The following PIP4K2A variants were observed in gnomAD, a reference collection of about 807,000 sequenced individuals.
PIP4K2A encodes the protein phosphatidylinositol-5-phosphate 4-kinase type 2 alpha, also known as phosphatidylinositol 5-phosphate 4-kinase type-2 alpha.
A neutral mutation model predicts 42.9 loss-of-function variants in PIP4K2A; 14 were observed. The observed-to-expected ratio is 0.33, with a 90% CI of 0.22 to 0.51. PIP4K2A has a LOEUF of 0.51. Ranked by LOEUF, PIP4K2A falls within the 20% of genes least tolerant of loss-of-function variation. PIP4K2A has a pLI of 0.97. For missense variants in PIP4K2A, 434 were observed against 519.8 expected (o/e 0.83, Z 1.61); for synonymous variants, 192 against 192.2 (o/e 1.00, Z 0.01).
chr10:22,677,613 G>A (rs1263659396), intron 1 of PIP4K2A, among the ~76,000 whole-genome samples: 3 of 152,170 alleles, frequency 2.0e-5, no homozygotes, highest in Non-Finnish European at 2.9e-5. Flanking sequence ...GGGTTCATGC[G>A]TATTCCCTCT....
chr10:22,544,805 C>G (rs1836220933), intron 7 of PIP4K2A, among the ~76,000 whole-genome samples: 2 of 152,180 alleles, frequency 1.3e-5, no homozygotes, highest in African/African-American at 4.8e-5. Context: ...ACTTCTGGGG[C>G]CCACTTGAGC....
intron 1 of PIP4K2A, among the ~76,000 whole-genome samples, chr10:22,688,928 C>G (rs562821457): frequency 6.6e-6 from 1 of 152,180 alleles, no homozygotes; most frequent in African/African-American, 2.4e-5. Flanking sequence ...AAGGTCTGGG[C>G]TTGTTATAAT....
intron 1 of PIP4K2A, among the ~76,000 whole-genome samples, chr10:22,664,944 T>G (rs1839319875): frequency 6.6e-6 from 1 of 152,062 alleles, no homozygotes. Context: ...TCCTTTCACA[T>G]TATATAAACA....
intron 1 of PIP4K2A, among the ~76,000 whole-genome samples, chr10:22,668,407 A>C (rs935320975): frequency 1.3e-5 from 2 of 152,232 alleles, no homozygotes; most frequent in Non-Finnish European, 2.9e-5. Flanking sequence ...CTCCTGGCTA[A>C]GTAGCACAGT....
At chr10:22,653,550 GA>G (rs1448120094) in intron 1 of PIP4K2A, among the ~76,000 whole-genome samples, 1 of 152,216 alleles carries the variant, frequency 6.6e-6, no homozygotes, top group Non-Finnish European at 1.5e-5. Context: ...GCAGACAGAA[GA>G]AAGGAGGTAG....
At chr10:22,566,050 G>C (rs1247358546) in intron 6 of PIP4K2A, among the ~76,000 whole-genome samples, 1 of 152,150 alleles carries the variant, frequency 6.6e-6, no homozygotes, top group Non-Finnish European at 1.5e-5. Context: ...TTTCGCCTCA[G>C]TCCTGTGGTC....
chr10:22,675,478 C>T (rs1048911983), intron 1 of PIP4K2A, among the ~76,000 whole-genome samples: 5 of 152,050 alleles, frequency 3.3e-5, no homozygotes, highest in African/African-American at 1.2e-4. Flanking sequence ...CCCAGCTACT[C>T]AGGAGGCTGA....
intron 6 of PIP4K2A, among the ~76,000 whole-genome samples, chr10:22,555,068 T>A (rs547821831): frequency 1.3e-5 from 2 of 152,094 alleles, no homozygotes; most frequent in African/African-American, 4.8e-5. Flanking sequence ...GGGACGCCGT[T>A]CCCCCCGCAG....
At chr10:22,557,638 ATCTT>A (rs1212932972) in intron 6 of PIP4K2A, among the ~76,000 whole-genome samples, 3 of 152,246 alleles carry the variant, frequency 2.0e-5, no homozygotes, top group African/African-American at 7.2e-5. Context: ...TTAAAAAACT[ATCTT>A]TCAGATGACA....
At chr10:22,669,453 C>T (rs572707632) in intron 1 of PIP4K2A, among the ~76,000 whole-genome samples, 11 of 151,890 alleles carry the variant, frequency 7.2e-5, no homozygotes, top group African/African-American at 2.2e-4. Context: ...CATGACTATG[C>T]ATAAATGAAA....
intron 1 of PIP4K2A, among the ~76,000 whole-genome samples, chr10:22,688,350 G>A (rs377154998): frequency 1.3e-5 from 2 of 152,202 alleles, no homozygotes; most frequent in East Asian, 3.8e-4. Flanking sequence ...ATTCTCAGGT[G>A]TCTGGCACAA....
chr10:22,665,295 A>G (rs1198650616), intron 1 of PIP4K2A, among the ~76,000 whole-genome samples: 2 of 152,228 alleles, frequency 1.3e-5, no homozygotes, highest in South Asian at 2.1e-4. Flanking sequence ...CCTATTACAT[A>G]TATTTCTCTG....
rs1265932967 is a variant in PIP4K2A, at chr10:22,581,061, G to T, written c.493-7604C>A. Among the ~76,000 whole-genome samples, 3 of 152,236 alleles carry T rather than the reference G, an allele frequency of 2.0e-5. No individual in the cohort carries two copies. In the East Asian group the frequency reaches 5.8e-4, roughly 29 times the overall value. On this transcript the variant is annotated intron_variant, in intron 4 of 9. Coordinates refer to ENST00000376573, the MANE Select transcript of PIP4K2A (RefSeq NM_005028.5). ...GCTCAGAAATTAAGAGCACACACCA[G>T]ATAAGTGGGCTTATTCTCCTGTGAG...
At position 22,573,571 on chromosome 10, in the gene PIP4K2A, G is replaced by C. The variant is rs1837040534; in HGVS notation, c.493-114C>G. ...ACAAAGTGAAAACCTCCAGCCATTA[G>C]GGTCTTATTTACAGAAAATGACCAC... On this transcript the variant is annotated intron_variant, in intron 4 of 9. Coordinates refer to ENST00000376573, the MANE Select transcript of PIP4K2A (RefSeq NM_005028.5). 7.2e-6 allele frequency: 6 copies of C among 832,708 alleles called. No individual in the cohort carries two copies. The South Asian group carries it at 9.6e-5, about 13-fold the overall frequency. 51.6% of individuals were successfully genotyped at this position (832,708 alleles called of 1,614,324 possible). A position where few individuals can be genotyped will look rare whatever the true frequency, so the allele number is the denominator to read the frequency against.
chr10:22,668,875 C>T (rs1031129498), intron 1 of PIP4K2A, among the ~76,000 whole-genome samples: 1 of 152,150 alleles, frequency 6.6e-6, no homozygotes, highest in South Asian at 2.1e-4. Context: ...AGAAAAAATA[C>T]CAAATAAGAT....
intron 3 of PIP4K2A, among the ~76,000 whole-genome samples, chr10:22,596,386 T>G (rs891959710): frequency 7.9e-5 from 12 of 152,020 alleles, no homozygotes; most frequent in African/African-American, 2.9e-4. Context: ...ACACCTGGGC[T>G]GAGATGAAAG....
chr10:22,648,407 T>C (rs1463520118), intron 1 of PIP4K2A, among the ~76,000 whole-genome samples: 1 of 152,240 alleles, frequency 6.6e-6, no homozygotes, highest in South Asian at 2.1e-4. Context: ...AGAGGAAAAG[T>C]AATCTGAAGA....
intron 1 of PIP4K2A, among the ~76,000 whole-genome samples, chr10:22,653,606 C>T (rs564057811): frequency 3.0e-4 from 45 of 152,298 alleles, no homozygotes; most frequent in African/African-American, 1.0e-3. Flanking sequence ...GTCCATCCTA[C>T]GCACCTAAAG....
At chr10:22,663,829 T>C (rs748617721) in intron 1 of PIP4K2A, among the ~76,000 whole-genome samples, 2 of 151,660 alleles carry the variant, frequency 1.3e-5, no homozygotes, top group East Asian at 1.9e-4. Context: ...AACTACACCA[T>C]CATTTAATCT....
Sources: gnomAD v4.1 joint callset for allele counts (sites outside exome capture counted in the v4.1 genomes callset) on GRCh38, gnomAD v4.1.1 for gene constraint, MANE v1.5 for transcripts, NCBI Gene and HGNC (gene_info 2026-07-23, HGNC 2026-07-21) for gene names.